The following BAALC variants were observed in gnomAD, a reference collection of about 807,000 sequenced individuals.
The protein encoded by BAALC is brain and acute leukemia cytoplasmic protein.
In BAALC, 9 loss-of-function variants were observed where a neutral mutation model predicts 15.5. The observed-to-expected ratio is 0.58, with a 90% CI of 0.35 to 1.02. The LOEUF is 1.02. Ranked by LOEUF, BAALC falls within the 50% of genes least tolerant of loss-of-function variation. BAALC has a pLI of 0.02. For synonymous variants in BAALC, 80 were observed against 74.6 expected (o/e 1.07, Z -0.37); for missense variants, 201 against 192.4 (o/e 1.04, Z -0.27).
At chr8:103,218,597 T>C (rs1238084469) in intron 2 of BAALC, among the ~76,000 whole-genome samples, 1 of 152,066 alleles carries the variant, frequency 6.6e-6, no homozygotes, top group East Asian at 1.9e-4. Context: ...AGTATTCAGC[T>C]ACAGTAAAAA....
At chr8:103,223,600 AG>A (rs2130095355) in intron 2 of BAALC, among the ~76,000 whole-genome samples, 1 of 152,122 alleles carries the variant, frequency 6.6e-6, no homozygotes, top group Admixed American at 6.5e-5. Context: ...TACAGATTTA[AG>A]AAATGACCCT....
At chr8:103,191,546 A>C (rs963355685) in intron 1 of BAALC, 1 of 152,176 alleles carries the variant, frequency 6.6e-6, no homozygotes, top group African/African-American at 2.4e-5. Context: ...ACTACCGTAC[A>C]GGATTTCAAT....
intron 2 of BAALC, among the ~76,000 whole-genome samples, chr8:103,216,614 C>T (rs1812562270): frequency 1.3e-5 from 2 of 152,130 alleles, no homozygotes; most frequent in African/African-American, 2.4e-5. Context: ...TAACTGGGAC[C>T]ATAGGCATGC....
chr8:103,161,207 C>T (rs1811216371), intron 1 of BAALC, among the ~76,000 whole-genome samples: 1 of 152,074 alleles, frequency 6.6e-6, no homozygotes, highest in Non-Finnish European at 1.5e-5. Context: ...GTTTGGCTTT[C>T]ATTATCTCTG....
chr8:103,213,172 AG>A, intron 2 of BAALC, 87 bp downstream of exon 2: 1 of 1,409,924 alleles, frequency 7.1e-7, no homozygotes, highest in African/African-American at 1.4e-5. Flanking sequence ...CGCTATGTCC[AG>A]GGAGGGACCA....
At chr8:103,211,258 T>A (rs533538752) in intron 1 of BAALC, among the ~76,000 whole-genome samples, 9 of 152,218 alleles carry the variant, frequency 5.9e-5, no homozygotes, top group Non-Finnish European at 1.3e-4. Context: ...TTTACTGGAT[T>A]TCTATCCTGC....
At chr8:103,157,564 T>C (rs1200216148) in intron 1 of BAALC, among the ~76,000 whole-genome samples, 5 of 152,134 alleles carry the variant, frequency 3.3e-5, no homozygotes, top group South Asian at 2.1e-4. Flanking sequence ...TCCCAGCACA[T>C]TGGGAGGCTG....
intron 2 of BAALC, among the ~76,000 whole-genome samples, chr8:103,225,711 C>T (rs971726312): frequency 6.6e-6 from 1 of 152,018 alleles, no homozygotes; most frequent in African/African-American, 2.4e-5. Context: ...GGATATGGGC[C>T]TATCCAGGAT....
chr8:103,147,328 A>G (rs1475060600), intron 1 of BAALC, among the ~76,000 whole-genome samples: 1 of 152,220 alleles, frequency 6.6e-6, no homozygotes, highest in East Asian at 1.9e-4. Flanking sequence ...AATGAATAAG[A>G]CCTACTATTT....
chr8:103,145,184 C>T (rs933359735), intron 1 of BAALC, among the ~76,000 whole-genome samples: 7 of 152,238 alleles, frequency 4.6e-5, no homozygotes, highest in Non-Finnish European at 8.8e-5. Context: ...TCTGCATCAT[C>T]TCTAAGGATG....
chr8:103,155,853 C>T (rs970499113), intron 1 of BAALC, among the ~76,000 whole-genome samples: 2 of 152,070 alleles, frequency 1.3e-5, no homozygotes, highest in Admixed American at 6.6e-5. Context: ...CTGGGGTGGA[C>T]CTGAGATTCT....
rs925158867 is a variant in BAALC, at chr8:103,200,865, A to C, written c.161-12054A>C. The C allele has an allele frequency of 4.0e-5, 21 of 523,024 alleles. No homozygotes were observed. The Admixed American group carries it at 5.0e-4, about 12-fold the overall frequency. The allele number at this position is 523,024 out of a possible 1,614,324, so 32.4% of individuals were successfully genotyped here. On this transcript the variant is annotated intron_variant, in intron 1 of 2. Coordinates refer to ENST00000309982, the MANE Select transcript of BAALC (RefSeq NM_024812.3). ...TGCTTCCTAAAGGTCCTGCCTCTTA[A>C]TACTATTGCATTGGGGGTTAGATTT...
chr8:103,177,829 G>A, intron 1 of BAALC, among the ~76,000 whole-genome samples: 1 of 152,198 alleles, frequency 6.6e-6, no homozygotes, highest in East Asian at 1.9e-4. Context: ...AAAATTTATT[G>A]TAATTTATAT....
At position 103,212,964 on chromosome 8, in the gene BAALC, C is replaced by A; in HGVS notation, c.206C>A (p.Thr69Lys). 6.2e-7 allele frequency: 1 copy of A among 1,614,122 alleles called. No homozygotes were observed. Among genetic ancestry groups the A allele is most frequent in the Non-Finnish European group, 8.5e-7 (1 of 1,179,954 alleles). ...CCCTCCAATGGTGTGCCCCGATCTA[C>A]AGCCCCAGGTGGAATACCCAACCCA... ...GLPSNGVPRS[T>K]APGGIPNPEK... Residue 69 changes from threonine (T) to lysine (K), a missense_variant, in exon 2 of 3, where the codon ACA becomes AAA. Thr to Lys is a moderately conservative substitution (Grantham distance 78). Transcript: ENST00000309982.
intron 2 of BAALC, among the ~76,000 whole-genome samples, chr8:103,224,125 G>T (rs1563659203): frequency 6.6e-6 from 1 of 152,140 alleles, no homozygotes; most frequent in Non-Finnish European, 1.5e-5. Context: ...CTGTGTGTGT[G>T]TGTGTGTGTG....
At chr8:103,154,623 G>T (rs1388238111) in intron 1 of BAALC, 2 of 152,982 alleles carry the variant, frequency 1.3e-5, no homozygotes, top group Non-Finnish European at 3.0e-5. Context: ...TGGGGTGATG[G>T]GTGGGGCAAT....
chr8:103,153,791 T>C (rs1811030558), intron 1 of BAALC, among the ~76,000 whole-genome samples: 1 of 152,114 alleles, frequency 6.6e-6, no homozygotes, highest in Non-Finnish European at 1.5e-5. Flanking sequence ...TCTGTGGAAG[T>C]TCAAAAAACC....
chr8:103,203,710 C>T (rs770464675), intron 1 of BAALC, among the ~76,000 whole-genome samples: 8 of 152,150 alleles, frequency 5.3e-5, no homozygotes, highest in African/African-American at 1.7e-4. Flanking sequence ...GCTTCTTTCA[C>T]GTAGCGTAAT....
intron 1 of BAALC, among the ~76,000 whole-genome samples, chr8:103,142,040 G>A (rs183258141): frequency 6.6e-6 from 1 of 152,244 alleles, no homozygotes; most frequent in Admixed American, 6.5e-5. Context: ...GTCAATATTT[G>A]GATAAAAATG....
Sources: gnomAD v4.1 joint callset for allele counts (sites outside exome capture counted in the v4.1 genomes callset) on GRCh38, gnomAD v4.1.1 for gene constraint, MANE v1.5 for transcripts, NCBI Gene and HGNC (gene_info 2026-07-23, HGNC 2026-07-21) for gene names.